CACNG3: variants seen among roughly 807,000 people sequenced by gnomAD.
CACNG3 encodes the protein calcium voltage-gated channel auxiliary subunit gamma 3.
A neutral mutation model predicts 28.5 loss-of-function variants in CACNG3; 3 were observed. The observed-to-expected ratio is 0.11, with a 90% CI of 0.05 to 0.27. The LOEUF is 0.27. Ranked by LOEUF, CACNG3 falls within the 10% of genes least tolerant of loss-of-function variation. CACNG3 has a pLI of 1.00. For missense variants in CACNG3, 236 were observed against 414.4 expected (o/e 0.57, Z 3.74); for synonymous variants, 174 against 162.2 (o/e 1.07, Z -0.55).
rs749946987 is a variant in CACNG3, at chr16:24,361,616, G to A, written c.701G>A (p.Arg234Gln). The A allele has an allele frequency of 8.7e-6, 14 of 1,612,998 alleles. No homozygotes were observed. The highest frequency in any genetic ancestry group is 1.1e-5 in the Non-Finnish European group (13 of 1,179,598). ...CCCTACAGGTATCGATTCCGGAGGC[G>A]GTCAAGTTCTCGCTCCACCGAGCCC... Reference protein sequence around the residue: ...LPPYRYRFRRRSSSRSTEPRS... With the variant: ...LPPYRYRFRRQSSSRSTEPRS... The change falls in exon 4 of 4, where the codon CGG becomes CAG. Residue 234 changes from arginine (R) to glutamine (Q), a missense_variant. By Grantham distance (43) the Arg-to-Gln change is conservative. This residue lies in a region of CACNG3 where 116 missense variants were observed against 151.0 expected (regional missense o/e 0.77). Coordinates refer to ENST00000005284, the MANE Select transcript of CACNG3 (RefSeq NM_006539.4). This position sits in a 1 kb window ranked among gnomAD's most constrained non-coding sequence, Gnocchi z 6.8.
intron 1 of CACNG3, among the ~76,000 whole-genome samples, chr16:24,261,680 G>T (rs1408277625): frequency 6.6e-6 from 1 of 152,102 alleles, no homozygotes; most frequent in Non-Finnish European, 1.5e-5. Flanking sequence ...AGAAAAGAAA[G>T]CCCACTTATT....
intron 3 of CACNG3, among the ~76,000 whole-genome samples, chr16:24,356,985 C>T (rs2141384766): frequency 6.6e-6 from 1 of 152,098 alleles, no homozygotes; most frequent in South Asian, 2.1e-4. Flanking sequence ...GCCTGTAATC[C>T]CAGCACTTTG....
intron 1 of CACNG3, among the ~76,000 whole-genome samples, chr16:24,300,256 G>A (rs72781842): frequency 0.022 from 3,403 of 152,000 alleles, 51 homozygotes; most frequent in South Asian, 0.041. Flanking sequence ...CCCAATTTAC[G>A]GCCCATAGAC....
At chr16:24,266,011 C>T (rs1275956164) in intron 1 of CACNG3, among the ~76,000 whole-genome samples, 2 of 152,130 alleles carry the variant, frequency 1.3e-5, no homozygotes, top group Non-Finnish European at 2.9e-5. Context: ...TTTTTTCTTG[C>T]ACCATCTGCC....
intron 1 of CACNG3, among the ~76,000 whole-genome samples, chr16:24,308,857 A>G (rs958779431): frequency 2.7e-5 from 4 of 149,744 alleles, no homozygotes; most frequent in Non-Finnish European, 3.0e-5. Context: ...AAAAAAAAAA[A>G]AAAAAAAAAA....
At chr16:24,305,921 C>T (rs1596635766) in intron 1 of CACNG3, among the ~76,000 whole-genome samples, 1 of 152,148 alleles carries the variant, frequency 6.6e-6, no homozygotes, top group South Asian at 2.1e-4. Context: ...AATTCTCTGC[C>T]CTGTGCCTCC....
intron 1 of CACNG3, among the ~76,000 whole-genome samples, chr16:24,285,807 C>T (rs1331366722): frequency 1.3e-5 from 2 of 150,244 alleles, no homozygotes; most frequent in African/African-American, 4.9e-5. Context: ...CATGGCTATC[C>T]TTCTGGTTCT....
At position 24,307,849 on chromosome 16, in the gene CACNG3, C is replaced by A. The variant is rs148538877; in HGVS notation, c.212-38885C>A. On this transcript the variant is annotated intron_variant, in intron 1 of 3. Transcript: ENST00000005284. ...TGCCTGGTGGGTAATTTCATTGCAT[C>A]GTTGGATCCTTTGCATTTCTGATTC... Among the ~76,000 whole-genome samples, 331 of 152,226 alleles carry A rather than the reference C, an allele frequency of 2.2e-3. 1 individual carries two copies. Among genetic ancestry groups the A allele is most frequent in the Middle Eastern group, 0.017 (5 of 294 alleles).
intron 1 of CACNG3, among the ~76,000 whole-genome samples, chr16:24,332,969 T>C (rs1185900183): frequency 6.6e-6 from 1 of 152,026 alleles, no homozygotes; most frequent in Non-Finnish European, 1.5e-5. Flanking sequence ...AAGCTAACAA[T>C]GGAAGAAGAG....
At chr16:24,274,091 G>A (rs920312938) in intron 1 of CACNG3, among the ~76,000 whole-genome samples, 7 of 151,358 alleles carry the variant, frequency 4.6e-5, no homozygotes, top group African/African-American at 1.7e-4. Context: ...GAAGGCTGAG[G>A]CAAGAGAATC....
At chr16:24,340,175 G>A (rs1324820754) in intron 1 of CACNG3, among the ~76,000 whole-genome samples, 1 of 152,148 alleles carries the variant, frequency 6.6e-6, no homozygotes, top group East Asian at 1.9e-4. Context: ...GGAGGCTGAG[G>A]TGGGAGGATC....
chr16:24,264,529 A>T (rs544076593), intron 1 of CACNG3, among the ~76,000 whole-genome samples: 1 of 152,314 alleles, frequency 6.6e-6, no homozygotes, highest in Admixed American at 6.5e-5. Context: ...CAGCACGCAG[A>T]TCCCTGCTAC....
At chr16:24,296,319 T>G (rs1596631983) in intron 1 of CACNG3, among the ~76,000 whole-genome samples, 1 of 152,376 alleles carries the variant, frequency 6.6e-6, no homozygotes, top group Admixed American at 6.5e-5. Flanking sequence ...TCTGTAAATT[T>G]GTCCTCTGAA....
chr16:24,294,120 G>A (rs1162835113), intron 1 of CACNG3, among the ~76,000 whole-genome samples: 1 of 152,166 alleles, frequency 6.6e-6, no homozygotes, highest in Non-Finnish European at 1.5e-5. Context: ...TTGTGCACCT[G>A]ATCGTAGGTG....
intron 1 of CACNG3, among the ~76,000 whole-genome samples, chr16:24,330,036 CA>C (rs796906155): frequency 1.4e-5 from 2 of 147,322 alleles, no homozygotes; most frequent in Admixed American, 1.4e-4. Flanking sequence ...GACTGTGTCT[CA>C]AAAAAAAAGA....
chr16:24,257,378 A>G lies in CACNG3; in HGVS notation c.211+413A>G, dbSNP rs1456815957. The stretch of plus-strand genomic sequence containing the variant: ...GAAAGAAGTGAGGGGGGAGAGAGAG[A>G]GAGAGAGAGAGAGAGAGAGAGAGAG... On this transcript the variant is annotated intron_variant, in intron 1 of 3. Coordinates refer to ENST00000005284, the MANE Select transcript of CACNG3 (RefSeq NM_006539.4). 3.1e-3 allele frequency among the ~76,000 whole-genome samples: 128 copies of G among 41,936 alleles called. 6 individuals carry two copies. The highest frequency in any genetic ancestry group is 4.1e-3 in the Non-Finnish European group (92 of 22,566). 27.5% of individuals were successfully genotyped at this position (41,936 alleles called of 152,430 possible). A position where few individuals can be genotyped will look rare whatever the true frequency, so the allele number is the denominator to read the frequency against.
chr16:24,324,223 G>A (rs1174771430), intron 1 of CACNG3, among the ~76,000 whole-genome samples: 1 of 152,186 alleles, frequency 6.6e-6, no homozygotes, highest in Non-Finnish European at 1.5e-5. Flanking sequence ...TGGTGGATCT[G>A]GGATTTGAAC....
intron 1 of CACNG3, among the ~76,000 whole-genome samples, chr16:24,326,320 C>A (rs1052872302): frequency 6.6e-6 from 1 of 151,914 alleles, no homozygotes; most frequent in Non-Finnish European, 1.5e-5. Flanking sequence ...TACAGGCATG[C>A]GCCAGTAGGC....
chr16:24,274,201 CAAA>C (rs145193156), intron 1 of CACNG3, among the ~76,000 whole-genome samples: 1 of 128,064 alleles, frequency 7.8e-6, no homozygotes, highest in African/African-American at 2.9e-5. Flanking sequence ...AAAAAAAAAA[CAAA>C]AAAAAAAAAC....
Sources: allele counts gnomAD v4.1 joint callset (sites outside exome capture counted in the v4.1 genomes callset), GRCh38; gene constraint gnomAD v4.1.1; regional missense constraint gnomAD v4.1.1; non-coding constraint Gnocchi (gnomAD v3.1); transcripts MANE v1.5; gene names NCBI Gene and HGNC (gene_info 2026-07-23, HGNC 2026-07-21).